TXNDC16: variants seen among roughly 807,000 people sequenced by gnomAD.
TXNDC16 encodes thioredoxin domain-containing protein 16.
In TXNDC16, 74 loss-of-function variants were observed where a neutral mutation model predicts 85.6. The ratio of observed to expected loss-of-function variants is 0.86; its 90% CI spans 0.72 to 1.05. The LOEUF is 1.05. TXNDC16 is among the 50% of genes least tolerant of loss of function. The pLI, the probability that TXNDC16 is intolerant of heterozygous loss-of-function variation, is 0.00. For synonymous variants in TXNDC16, 335 were observed against 326.5 expected (o/e 1.03, Z -0.28); for missense variants, 959 against 947.0 (o/e 1.01, Z -0.17).
At chr14:52,513,038 T>A (rs2036993746) in intron 8 of TXNDC16, among the ~76,000 whole-genome samples, 1 of 152,152 alleles carries the variant, frequency 6.6e-6, no homozygotes, top group Non-Finnish European at 1.5e-5. Context: ...GATTGTGACA[T>A]GTATGGGGCA....
chr14:52,467,872 T>C (rs1191839781), intron 16 of TXNDC16, among the ~76,000 whole-genome samples: 1 of 152,042 alleles, frequency 6.6e-6, no homozygotes, highest in Admixed American at 6.6e-5. Flanking sequence ...GATAAACAGA[T>C]AAACAAAATA....
At chr14:52,543,373 A>G (rs750662291) in intron 3 of TXNDC16, 25 bp downstream of exon 3, 1 of 1,586,476 alleles carries the variant, frequency 6.3e-7, no homozygotes, top group South Asian at 1.2e-5. Flanking sequence ...CACAAGAATC[A>G]TATTAGAATT....
At chr14:52,456,169 A>T (rs2035528960) in intron 17 of TXNDC16, among the ~76,000 whole-genome samples, 1 of 152,242 alleles carries the variant, frequency 6.6e-6, no homozygotes, top group African/African-American at 2.4e-5. Flanking sequence ...CAAAGTATAG[A>T]CATTATAACA....
chr14:52,459,820 T>C (rs900635397), intron 16 of TXNDC16, among the ~76,000 whole-genome samples: 7 of 152,216 alleles, frequency 4.6e-5, no homozygotes, highest in Non-Finnish European at 8.8e-5. Context: ...AAAAATCACA[T>C]GATTATCTCA....
At chr14:52,539,338 G>A (rs769690146) in intron 4 of TXNDC16, among the ~76,000 whole-genome samples, 3 of 152,132 alleles carry the variant, frequency 2.0e-5, no homozygotes, top group Non-Finnish European at 2.9e-5. Context: ...TAAGCAGAGG[G>A]GAAAATATCT....
At chr14:52,516,910 C>G (rs1483012362) in intron 7 of TXNDC16, among the ~76,000 whole-genome samples, 2 of 152,124 alleles carry the variant, frequency 1.3e-5, no homozygotes, top group African/African-American at 4.8e-5. Flanking sequence ...TGTCATAATC[C>G]TTGGGAATTT....
At chr14:52,497,849 C>G (rs1373336721) in intron 9 of TXNDC16, among the ~76,000 whole-genome samples, 2 of 147,380 alleles carry the variant, frequency 1.4e-5, no homozygotes, top group Non-Finnish European at 3.0e-5. Context: ...CCACTGCACT[C>G]CAGCCTGGGC....
intron 16 of TXNDC16, among the ~76,000 whole-genome samples, chr14:52,460,988 A>G (rs1796990851): frequency 6.6e-6 from 1 of 151,670 alleles, no homozygotes; most frequent in Admixed American, 6.6e-5. Context: ...TTTAAAATAA[A>G]CTTTGTAATC....
At chr14:52,496,036 T>G (rs2036524016) in intron 9 of TXNDC16, among the ~76,000 whole-genome samples, 1 of 151,918 alleles carries the variant, frequency 6.6e-6, no homozygotes, top group Non-Finnish European at 1.5e-5. Context: ...GGTGGGCACC[T>G]GTAGTTCCAG....
intron 9 of TXNDC16, among the ~76,000 whole-genome samples, chr14:52,507,445 C>G (rs1051049603): frequency 2.0e-5 from 3 of 152,108 alleles, no homozygotes; most frequent in African/African-American, 2.4e-5. Context: ...ATATTCCATG[C>G]TCATGGGTAG....
intron 15 of TXNDC16, among the ~76,000 whole-genome samples, 165 bp downstream of exon 15, chr14:52,470,347 T>C (rs1000389650): frequency 2.6e-5 from 4 of 152,200 alleles, no homozygotes; most frequent in Admixed American, 2.0e-4. Flanking sequence ...AAAATTGCTA[T>C]CTCCCGAAAA....
At chr14:52,520,647 G>C (rs1293799458) in intron 6 of TXNDC16, among the ~76,000 whole-genome samples, 1 of 151,830 alleles carries the variant, frequency 6.6e-6, no homozygotes, top group African/African-American at 2.4e-5. Context: ...AATAAATAAA[G>C]TTGTCTACTT....
chr14:52,496,769 C>A (rs978006075), intron 9 of TXNDC16, among the ~76,000 whole-genome samples: 1 of 151,820 alleles, frequency 6.6e-6, no homozygotes, highest in South Asian at 2.1e-4. Flanking sequence ...ACCATCATAC[C>A]CAGCTAATTT....
At chr14:52,462,002 C>A (rs1318022124) in intron 16 of TXNDC16, among the ~76,000 whole-genome samples, 1 of 152,186 alleles carries the variant, frequency 6.6e-6, no homozygotes, top group East Asian at 1.9e-4. Flanking sequence ...GCAAAAATAT[C>A]TGAATTATAT....
intron 19 of TXNDC16, 83 bp downstream of exon 19, chr14:52,440,481 T>TA: frequency 8.3e-7 from 1 of 1,201,098 alleles, no homozygotes. Context: ...TCCAAAGAGT[T>TA]AGAGAGTTTC....
chr14:52,506,759 T>G (rs2036818533), intron 9 of TXNDC16, among the ~76,000 whole-genome samples: 1 of 142,108 alleles, frequency 7.0e-6, no homozygotes, highest in Non-Finnish European at 1.5e-5. Flanking sequence ...GGTTTCACCT[T>G]GTTAGCCAGG....
chr14:52,550,359 CA>C (rs1245192664), intron 1 of TXNDC16, among the ~76,000 whole-genome samples: 5 of 152,214 alleles, frequency 3.3e-5, no homozygotes, highest in African/African-American at 1.2e-4. Flanking sequence ...GAACCAGCCT[CA>C]AATAAAATGT....
intron 13 of TXNDC16, 66 bp downstream of exon 13, chr14:52,482,756 C>T (rs2036178279): frequency 8.9e-6 from 13 of 1,457,698 alleles, no homozygotes; most frequent in South Asian, 1.5e-5. Flanking sequence ...ACATGGAATG[C>T]CAAAAATTAA....
At chr14:52,505,034 A>G (rs2036760424) in intron 9 of TXNDC16, among the ~76,000 whole-genome samples, 1 of 152,248 alleles carries the variant, frequency 6.6e-6, no homozygotes, top group African/African-American at 2.4e-5. Context: ...TCGTAAATAT[A>G]TATGCGCCCA....
Sources: gnomAD v4.1 joint callset for allele counts (sites outside exome capture counted in the v4.1 genomes callset) on GRCh38, gnomAD v4.1.1 for gene constraint, MANE v1.5 for transcripts, NCBI Gene and HGNC (gene_info 2026-07-23, HGNC 2026-07-21) for gene names.